The following KDM4A variants were observed in gnomAD, a reference collection of about 807,000 sequenced individuals.
KDM4A encodes the protein lysine-specific demethylase 4A.
In KDM4A, 23 loss-of-function variants were observed where a neutral mutation model predicts 127.1. That is an observed-to-expected ratio of 0.18 (90% confidence interval 0.13 to 0.26). KDM4A has a LOEUF of 0.26. Among genes scored for constraint, KDM4A ranks in the 10% least tolerant of loss-of-function variants. The pLI, the probability that KDM4A is intolerant of heterozygous loss-of-function variation, is 1.00. For missense variants in KDM4A, 890 were observed against 1,329.1 expected (o/e 0.67, Z 5.14); for synonymous variants, 443 against 466.5 (o/e 0.95, Z 0.65).
rs371583952 is a variant in KDM4A, at chr1:43,660,286, A to G, written c.315-12A>G. On this transcript the variant is annotated splice_polypyrimidine_tract_variant and intron_variant, in intron 3 of 21. Transcript: ENST00000372396. ...GTAAGTGGTTTACATGTTTCTTTTT[A>G]CTTTCAAAAAGGTACTGTACCCCAC... The G allele has an allele frequency of 1.3e-6, 2 of 1,566,816 alleles. No individual in the cohort carries two copies. Among genetic ancestry groups the G allele is most frequent in the African/African-American group, 2.1e-5 (1 of 47,856 alleles).
Position 43,661,283 on chromosome 1 carries a change from A to G in KDM4A, c.429+871A>G, listed in dbSNP as rs552531666. ...AGCCACTGCGCTTGGCCCATATTTT[A>G]ATGTTTTTATCAATTATTGGAAGAG... On this transcript the variant is annotated intron_variant, in intron 4 of 21. Coordinates refer to ENST00000372396, the MANE Select transcript of KDM4A (RefSeq NM_014663.3). 7.9e-5 allele frequency among the ~76,000 whole-genome samples: 12 copies of G among 151,642 alleles called. 1 individual carries two copies. In the South Asian group the frequency reaches 2.5e-3, roughly 32 times the overall value.
intron 1 of KDM4A, among the ~76,000 whole-genome samples, chr1:43,652,735 G>A (rs61768371): frequency 0.26 from 37,847 of 145,540 alleles, 5,814 homozygotes; most frequent in Middle Eastern, 0.35. Flanking sequence ...AGTCTGGAGT[G>A]CGATGGCGCA....
At chr1:43,662,327 TGGTC>T (rs1347251078) in intron 4 of KDM4A, among the ~76,000 whole-genome samples, 2 of 150,348 alleles carry the variant, frequency 1.3e-5, no homozygotes, top group African/African-American at 2.4e-5. Context: ...AGGTGACTCT[TGGTC>T]GGGCGCGGTG....
chr1:43,698,084 G>A, intron 19 of KDM4A, 71 bp downstream of exon 19: 5 of 1,443,752 alleles, frequency 3.5e-6, no homozygotes, highest in Non-Finnish European at 4.8e-6. Flanking sequence ...CTGGCAGACT[G>A]TGTGTGTATG....
In KDM4A at chr1:43,690,988, TGAG is replaced by T; in HGVS notation, c.2187_2189del (p.Glu729del). The T allele has an allele frequency of 1.2e-6, 2 of 1,614,174 alleles. No individual in the cohort carries two copies. Among genetic ancestry groups the T allele is most frequent in the Non-Finnish European group, 1.7e-6 (2 of 1,180,022 alleles). ...ACATCAACCTTTCTACTCCTTATCT[TGAG>T]GAGGATGGCACCAGCATACTCGTTT... On this transcript the variant is annotated inframe_deletion, in exon 14 of 22. Transcript: ENST00000372396.
rs757365615 is a variant in KDM4A, at chr1:43,662,878, G to C, written c.430-16G>C. On this transcript the variant is annotated splice_polypyrimidine_tract_variant and intron_variant, in intron 4 of 21. Coordinates refer to ENST00000372396, the MANE Select transcript of KDM4A (RefSeq NM_014663.3). ...ATGCAAATGTAACTTGCCCTGGACTGTCATTGCCTTTGCAGCATGTTGATG... is the reference window on the plus strand; with the variant it reads ...ATGCAAATGTAACTTGCCCTGGACTCTCATTGCCTTTGCAGCATGTTGATG... The C allele has an allele frequency of 5.6e-6, 9 of 1,599,672 alleles. No homozygotes were observed. The highest frequency in any genetic ancestry group is 7.7e-6 in the Non-Finnish European group (9 of 1,170,618).
rs536499753 is a variant in KDM4A, at chr1:43,669,322, T to C, written c.1363+23T>C. The C allele has an allele frequency of 1.9e-6, 3 of 1,609,462 alleles. No homozygotes were observed. In the South Asian group the frequency reaches 3.3e-5, roughly 18 times the overall value. ...CAGGTTAGTTGACTATGGTGTATTT[T>C]CCACAACCCTAACTCATATATGTGT... On this transcript the variant is annotated intron_variant, in intron 10 of 21. Transcript: ENST00000372396.
chr1:43,654,767 A>G (rs528690354), intron 2 of KDM4A, among the ~76,000 whole-genome samples: 2 of 150,458 alleles, frequency 1.3e-5, no homozygotes, highest in Non-Finnish European at 3.0e-5. Flanking sequence ...ACATAAAGTA[A>G]AACAATACTC....
rs1295427813 is a variant in KDM4A at position 43,694,426 on chromosome 1, G to A, written c.2485-283G>A. 1.3e-5 allele frequency among the ~76,000 whole-genome samples: 2 copies of A among 151,084 alleles called. No individual in the cohort carries two copies. Among genetic ancestry groups the A allele is most frequent in the Non-Finnish European group, 2.9e-5 (2 of 67,958 alleles). ...AGCTCCTCGGGAATCTGAGGCAGGA[G>A]AATCACTTGAACCCGGGAGGCGGAG... On this transcript the variant is annotated intron_variant, in intron 17 of 21. Coordinates refer to ENST00000372396, the MANE Select transcript of KDM4A (RefSeq NM_014663.3). The surrounding 1 kb of genome is among the most constrained non-coding windows in gnomAD (Gnocchi z 5.2).
intron 11 of KDM4A, among the ~76,000 whole-genome samples, chr1:43,676,667 T>C (rs1431301465): frequency 6.6e-6 from 1 of 152,306 alleles, no homozygotes; most frequent in East Asian, 1.9e-4. Context: ...ATATTTGCTT[T>C]GTTTGTCCTG....
In KDM4A at chr1:43,656,285, A is replaced by G. The variant is rs371261791; in HGVS notation, c.314+519A>G. Among the ~76,000 whole-genome samples the G allele has an allele frequency of 1.0e-3, 133 of 129,640 alleles. 3 individuals carry two copies. In the South Asian group the frequency reaches 0.031, roughly 30 times the overall value. The allele number at this position is 129,640 out of a possible 152,430, so 85.0% of individuals were successfully genotyped here. A position where few individuals can be genotyped will look rare whatever the true frequency, so the allele number is the denominator to read the frequency against. ...GTACATTCCTGTCTCTTTTAGAGAT[A>G]TCTTTCTTTGTGTAGGCCTGTTTTC... On this transcript the variant is annotated intron_variant, in intron 3 of 21. Coordinates refer to ENST00000372396, the MANE Select transcript of KDM4A (RefSeq NM_014663.3).
At chr1:43,678,327 C>T (rs1163588083) in intron 11 of KDM4A, among the ~76,000 whole-genome samples, 2 of 151,916 alleles carry the variant, frequency 1.3e-5, no homozygotes, top group Non-Finnish European at 2.9e-5. Context: ...AACAGTTTCA[C>T]AGTGTGGGGT....
At position 43,704,347 on chromosome 1, in the gene KDM4A, C is replaced by G; in HGVS notation, c.3172C>G (p.Leu1058Val). Residue 1058 changes from leucine (L) to valine (V), a missense_variant, in exon 22 of 22, where the codon CTA becomes GTA. Around this residue, in one of 7 missense-constraint regions of KDM4A, gnomAD observed 246 missense variants for 418.4 expected, o/e 0.59. Coordinates refer to ENST00000372396, the MANE Select transcript of KDM4A (RefSeq NM_014663.3). Reference sequence around the variant, plus strand: ...CCGGGAAGATTATATTGAGCCTGCACTATACCGGGCCATCATGGAGTAGGT... The same window carrying G: ...CCGGGAAGATTATATTGAGCCTGCAGTATACCGGGCCATCATGGAGTAGGT... The part of the protein sequence containing the change: ...RYREDYIEPA[L>V]YRAIME The G allele has an allele frequency of 5.6e-6, 9 of 1,613,738 alleles. No individual in the cohort carries two copies. Among genetic ancestry groups the G allele is most frequent in the Non-Finnish European group, 7.6e-6 (9 of 1,179,992 alleles).
rs1330530762 is a variant in KDM4A at position 43,704,534 on chromosome 1, G to A, written c.*164G>A. 24 of 755,748 alleles carry A rather than the reference G, an allele frequency of 3.2e-5. No homozygotes were observed. Among genetic ancestry groups the A allele is most frequent in the South Asian group, 3.2e-4 (17 of 53,640 alleles). The allele number at this position is 755,748 out of a possible 1,614,324, so 46.8% of individuals were successfully genotyped here. On this transcript the variant is annotated 3_prime_UTR_variant, in exon 22 of 22. Coordinates refer to ENST00000372396, the MANE Select transcript of KDM4A (RefSeq NM_014663.3). ...TTCTCACCCACCCTCATTGCATTCC[G>A]CTGTAGTGAAAGGACGAGCCATTTC...
chr1:43,681,048 A>C (rs1365612547), intron 11 of KDM4A, among the ~76,000 whole-genome samples: 1 of 152,080 alleles, frequency 6.6e-6, no homozygotes, highest in Non-Finnish European at 1.5e-5. Flanking sequence ...TTCCTTCTCA[A>C]ACTATGATCT....
In KDM4A at chr1:43,669,115, A is replaced by T; in HGVS notation, c.1179A>T (p.Arg393=). The change falls in exon 10 of 22, where the codon CGA becomes CGT. Residue 393 remains arginine, a synonymous_variant. Coordinates refer to ENST00000372396, the MANE Select transcript of KDM4A (RefSeq NM_014663.3). ...GDLKTSLAKH[R]IGTKRHRVCL... is the part of the protein sequence containing the mutation. ...TCCCTTGCAGCCTGGCCAAGCACCG[A>T]ATAGGGACAAAGAGGCACCGAGTTT... 1.2e-6 allele frequency: 2 copies of T among 1,614,186 alleles called. No homozygotes were observed. Among genetic ancestry groups the T allele is most frequent in the Non-Finnish European group, 1.7e-6 (2 of 1,180,028 alleles).
intron 5 of KDM4A, among the ~76,000 whole-genome samples, chr1:43,663,683 G>A (rs1660436694): frequency 6.6e-6 from 1 of 151,930 alleles, no homozygotes; most frequent in African/African-American, 2.4e-5. Flanking sequence ...GAGTGCAGTG[G>A]CACCATTATG....
At chr1:43,669,687 C>T (rs1407624724) in intron 10 of KDM4A, among the ~76,000 whole-genome samples, 6 of 149,234 alleles carry the variant, frequency 4.0e-5, no homozygotes, top group Non-Finnish European at 8.9e-5. Context: ...CTTGCTCTGT[C>T]ATGCAGGCTG....
At chr1:43,682,887 A>G (rs957868043) in intron 11 of KDM4A, among the ~76,000 whole-genome samples, 1 of 152,232 alleles carries the variant, frequency 6.6e-6, no homozygotes, top group African/African-American at 2.4e-5. Context: ...TCCTTGCTTA[A>G]TGGATTTTGC....
Sources: gnomAD v4.1 joint callset for allele counts (sites outside exome capture counted in the v4.1 genomes callset) on GRCh38, gnomAD v4.1.1 for gene constraint, gnomAD v4.1.1 regional missense constraint, Gnocchi (gnomAD v3.1) non-coding constraint, MANE v1.5 for transcripts, NCBI Gene and HGNC (gene_info 2026-07-23, HGNC 2026-07-21) for gene names.